Variants in CABCOCO1 observed in about 807,000 individuals in gnomAD.
The protein encoded by CABCOCO1 is ciliary-associated calcium-binding coiled-coil protein 1.
A neutral mutation model predicts 35.7 loss-of-function variants in CABCOCO1; 28 were observed. The observed-to-expected ratio is 0.78, with a 90% CI of 0.58 to 1.07. The LOEUF (loss-of-function observed/expected upper bound fraction) is 1.07. Ranked by LOEUF, CABCOCO1 falls within the 50% of genes least tolerant of loss-of-function variation. The pLI is 0.00. For missense variants in CABCOCO1, 326 were observed against 309.2 expected, an observed-to-expected ratio of 1.05 and a Z score of -0.41; for synonymous variants, 95 against 100.1, an observed-to-expected ratio of 0.95 and a Z score of 0.30.
intron 5 of CABCOCO1, among the ~76,000 whole-genome samples, chr10:61,702,444 G>T (rs1840482424): frequency 6.6e-6 from 1 of 152,110 alleles, no homozygotes; most frequent in Admixed American, 6.6e-5. Context: ...AATCATATAG[G>T]ATTGCTTACA....
intron 2 of CABCOCO1, among the ~76,000 whole-genome samples, chr10:61,675,594 T>C (rs1353770375): frequency 1.3e-5 from 2 of 152,174 alleles, no homozygotes; most frequent in Non-Finnish European, 2.9e-5. Context: ...AGGGCAAATA[T>C]TTAATTAAAA....
chr10:61,686,163 AT>A lies in CABCOCO1; in HGVS notation c.458del (p.Ile153ThrfsTer5). 2 of 1,576,722 alleles carry A rather than the reference AT, an allele frequency of 1.3e-6. No individual in the cohort carries two copies. Among genetic ancestry groups the A allele is most frequent in the Non-Finnish European group, 1.7e-6 (2 of 1,169,140 alleles). ...NIFDVKQANA[I>X]IDYLKISLFQ... Reference sequence around the variant, plus strand: ...CTTTGATGTAAAACAAGCCAATGCTATCATTGATTACTTAAAAATCAGGTAT... The same window carrying A: ...CTTTGATGTAAAACAAGCCAATGCTACATTGATTACTTAAAAATCAGGTAT... On this transcript the variant is annotated frameshift_variant, in exon 4 of 8. Transcript: ENST00000648843. LOFTEE classifies it high-confidence loss of function.
At chr10:61,670,363 T>C (rs961922158) in intron 1 of CABCOCO1, among the ~76,000 whole-genome samples, 4 of 152,084 alleles carry the variant, frequency 2.6e-5, no homozygotes, top group Admixed American at 2.0e-4. Flanking sequence ...AAATACTTTT[T>C]TCTTAATGAG....
At chr10:61,762,194 G>A (rs1842022781) in intron 7 of CABCOCO1, among the ~76,000 whole-genome samples, 1 of 152,018 alleles carries the variant, frequency 6.6e-6, no homozygotes, top group East Asian at 1.9e-4. Context: ...TATTGCCGAG[G>A]AACTACCAGA....
At chr10:61,761,155 T>C in intron 7 of CABCOCO1, 152 bp downstream of exon 7, 1 of 782,082 alleles carries the variant, frequency 1.3e-6, no homozygotes, top group Non-Finnish European at 2.0e-6. Context: ...CTCAGTTGAG[T>C]CATCAGAGAT....
chr10:61,766,033 T>A lies in CABCOCO1; in HGVS notation c.*20T>A, dbSNP rs75266476. On this transcript the variant is annotated 3_prime_UTR_variant, in exon 8 of 8. Coordinates refer to ENST00000648843, the MANE Select transcript of CABCOCO1 (RefSeq NM_001366906.2). ...GCCTAAGGACTTGGTACAAGGAGAG[T>A]GATGCTAAACTTCACAGAAACAAAC... The A allele has an allele frequency of 3.1e-6, 5 of 1,597,830 alleles. No individual in the cohort carries two copies. The highest frequency in any genetic ancestry group is 4.3e-6 in the Non-Finnish European group (5 of 1,166,970).
At chr10:61,700,926 T>TATATGTATACATATACATACATGTATAC (rs1840438146) in intron 5 of CABCOCO1, among the ~76,000 whole-genome samples, 1 of 151,316 alleles carries the variant, frequency 6.6e-6, no homozygotes, top group Non-Finnish European at 1.5e-5. Flanking sequence ...TCTGTGTATG[T>TATATGTATACATATACATACATGTATAC]ATATGTATAC....
chr10:61,698,407 G>T (rs1407215187), intron 5 of CABCOCO1, among the ~76,000 whole-genome samples: 1 of 152,058 alleles, frequency 6.6e-6, no homozygotes, highest in Non-Finnish European at 1.5e-5. Context: ...CATTGGTGGA[G>T]GCCCTGTTTT....
At chr10:61,698,269 A>G (rs543451870) in intron 5 of CABCOCO1, among the ~76,000 whole-genome samples, 3 of 152,202 alleles carry the variant, frequency 2.0e-5, no homozygotes, top group African/African-American at 7.2e-5. Context: ...AACTCACTCA[A>G]TCTGTTTCAA....
chr10:61,752,622 A>T (rs998692355), intron 5 of CABCOCO1, among the ~76,000 whole-genome samples: 3 of 152,228 alleles, frequency 2.0e-5, no homozygotes, highest in Admixed American at 6.5e-5. Flanking sequence ...AGGGTTACCA[A>T]CTGATTTACA....
At chr10:61,707,797 A>G (rs1840630267) in intron 5 of CABCOCO1, among the ~76,000 whole-genome samples, 1 of 152,124 alleles carries the variant, frequency 6.6e-6, no homozygotes, top group Admixed American at 6.6e-5. Flanking sequence ...GAATGAATGT[A>G]CTCTGCATAA....
chr10:61,696,203 A>G lies in CABCOCO1; in HGVS notation c.552+5582A>G, dbSNP rs569310108. Among the ~76,000 whole-genome samples, 8 of 152,192 alleles carry G rather than the reference A, an allele frequency of 5.3e-5. No individual in the cohort carries two copies. The South Asian group carries it at 1.7e-3, about 31-fold the overall frequency. ...CATTGTTTTTGAGGAAAGTAAAAGTACTCACTTATAAATATTTAATAAGTC... is the reference window on the plus strand; with the variant it reads ...CATTGTTTTTGAGGAAAGTAAAAGTGCTCACTTATAAATATTTAATAAGTC... On this transcript the variant is annotated intron_variant, in intron 5 of 7. Coordinates refer to ENST00000648843, the MANE Select transcript of CABCOCO1 (RefSeq NM_001366906.2).
At chr10:61,762,057 C>G (rs1027569921) in intron 7 of CABCOCO1, among the ~76,000 whole-genome samples, 1 of 152,028 alleles carries the variant, frequency 6.6e-6, no homozygotes, top group Admixed American at 6.6e-5. Flanking sequence ...TGTAGAAGGG[C>G]AGAGAGCAGT....
intron 5 of CABCOCO1, among the ~76,000 whole-genome samples, chr10:61,713,246 G>T (rs1840775921): frequency 6.6e-6 from 1 of 152,070 alleles, no homozygotes; most frequent in Admixed American, 6.5e-5. Flanking sequence ...GGATTCCTAG[G>T]TATTTTATCC....
intron 7 of CABCOCO1, 65 bp from the exon 8 acceptor site, chr10:61,765,874 A>G: frequency 1.4e-6 from 2 of 1,466,124 alleles, no homozygotes; most frequent in Non-Finnish European, 1.9e-6. Flanking sequence ...TGTCAAAACC[A>G]CAAAGACAAT....
At chr10:61,693,001 C>T (rs954899779) in intron 5 of CABCOCO1, among the ~76,000 whole-genome samples, 1 of 152,076 alleles carries the variant, frequency 6.6e-6, no homozygotes, top group African/African-American at 2.4e-5. Flanking sequence ...AAAGAACTCC[C>T]TTTTCCTTTG....
At chr10:61,710,668 C>T (rs34876396) in intron 5 of CABCOCO1, among the ~76,000 whole-genome samples, 18,152 of 151,624 alleles carry the variant, frequency 0.12, 1,437 homozygotes, top group African/African-American at 0.19. Context: ...AGTTTGAAGG[C>T]ATTGGAGGTT....
At chr10:61,678,895 G>A (rs1396945875) in intron 2 of CABCOCO1, among the ~76,000 whole-genome samples, 1 of 152,004 alleles carries the variant, frequency 6.6e-6, no homozygotes, top group Non-Finnish European at 1.5e-5. Context: ...ACTCACTTTT[G>A]GGTTTCAGGT....
At chr10:61,762,981 C>T (rs1308107774) in intron 7 of CABCOCO1, among the ~76,000 whole-genome samples, 1 of 152,026 alleles carries the variant, frequency 6.6e-6, no homozygotes, top group Non-Finnish European at 1.5e-5. Flanking sequence ...CTAAAACCTG[C>T]CTTCCAGTGT....
Sources: allele counts gnomAD v4.1 joint callset (sites outside exome capture counted in the v4.1 genomes callset), GRCh38; gene constraint gnomAD v4.1.1; transcripts MANE v1.5; gene names NCBI Gene and HGNC (gene_info 2026-07-23, HGNC 2026-07-21).